THOC2: variants seen among roughly 807,000 people sequenced by gnomAD.
THOC2 encodes the protein THO complex 2.
A neutral mutation model predicts 128.4 loss-of-function variants in THOC2; 10 were observed. The ratio of observed to expected loss-of-function variants is 0.08; its 90% CI spans 0.05 to 0.13. The LOEUF is 0.13. THOC2 is among the 10% of genes least tolerant of loss of function. The pLI is 1.00. For missense variants in THOC2, 535 were observed against 1,155.7 expected (o/e 0.46, Z 7.79); for synonymous variants, 393 against 396.9 (o/e 0.99, Z 0.12).
At chrX:123,664,400 C>T (rs927286518) in intron 12 of THOC2, among the ~76,000 whole-genome samples, 2 of 112,309 alleles carry the variant, frequency 1.8e-5, no homozygotes, top group African/African-American at 3.2e-5. Flanking sequence ...AAAGAAACTA[C>T]CATCAGAGTG....
intron 15 of THOC2, among the ~76,000 whole-genome samples, chrX:123,643,153 C>G (rs1470803256): frequency 9.0e-6 from 1 of 110,802 alleles, no homozygotes; most frequent in Non-Finnish European, 1.9e-5. Flanking sequence ...ACAGAGGGAA[C>G]AAAAAGTATA....
chrX:123,676,398 T>C (rs1000476978), intron 8 of THOC2, among the ~76,000 whole-genome samples: 6 of 111,958 alleles, frequency 5.4e-5, no homozygotes, highest in Admixed American at 3.8e-4. Context: ...TCTATCACCA[T>C]GGCCACCACT....
chrX:123,643,770 C>G (rs1474545715), intron 15 of THOC2, among the ~76,000 whole-genome samples: 5 of 109,489 alleles, frequency 4.6e-5, no homozygotes, highest in Admixed American at 3.9e-4. Context: ...TGTGATCATG[C>G]ACACACCTGT....
intron 37 of THOC2, 72 bp from the exon 38 acceptor site, chrX:123,611,035 C>A (rs760958074): frequency 2.0e-4 from 206 of 1,036,309 alleles, no homozygotes; most frequent in Non-Finnish European, 2.7e-4. Flanking sequence ...TTTAGTACAG[C>A]ACCTCAGGTT....
intron 12 of THOC2, among the ~76,000 whole-genome samples, chrX:123,660,413 T>C (rs1364716652): frequency 9.0e-6 from 1 of 111,570 alleles, no homozygotes; most frequent in Admixed American, 9.6e-5. Context: ...ATTAGGTAGG[T>C]GAAAGTATGA....
chrX:123,611,134 A>G (rs959784206), intron 37 of THOC2, among the ~76,000 whole-genome samples, 171 bp from the exon 38 acceptor site: 4 of 110,869 alleles, frequency 3.6e-5, no homozygotes, highest in African/African-American at 9.9e-5. Context: ...TTCTATTCCC[A>G]ATGTCCCCAG....
chrX:123,623,768 T>G lies in THOC2; in HGVS notation c.3503+19A>C, dbSNP rs1408144319. 5.0e-6 allele frequency: 6 copies of G among 1,202,194 alleles called. No homozygotes were observed. The Admixed American group carries it at 1.3e-4, about 27-fold the overall frequency. ...TGTCATCTAGTCTTGTAAATCACAT[T>G]AAAATATAATTTTGTTACCCCATAG... is the stretch of plus-strand genomic sequence containing the variant. On this transcript the variant is annotated intron_variant, in intron 28 of 38. Transcript: ENST00000245838.
rs912076944 is a variant in THOC2 at position 123,719,474 on chromosome X, T to C, written c.72-6566A>G. On this transcript the variant is annotated intron_variant, in intron 1 of 38. Transcript: ENST00000245838. ...CCTTTTCGGAGGCCAAGGATAAGAA[T>C]TGCTTGAGGCTAGGAGTTGAGACCA... Among the ~76,000 whole-genome samples the C allele has an allele frequency of 3.6e-5, 4 of 110,366 alleles. No homozygotes were observed. The East Asian group carries it at 8.5e-4, about 24-fold the overall frequency.
intron 32 of THOC2, chrX:123,620,266 G>C (rs960998773): frequency 5.4e-5 from 6 of 111,559 alleles, no homozygotes; most frequent in Non-Finnish European, 3.8e-5. Flanking sequence ...TGGGTGGTAG[G>C]ATTGGATGCC....
chrX:123,684,706 A>G (rs2049935244), intron 8 of THOC2, among the ~76,000 whole-genome samples: 2 of 111,980 alleles, frequency 1.8e-5, no homozygotes, highest in Admixed American at 1.9e-4. Context: ...TCATTTTTGA[A>G]CAAAGGTATT....
intron 12 of THOC2, among the ~76,000 whole-genome samples, chrX:123,663,759 A>G (rs765646659): frequency 9.1e-6 from 1 of 109,990 alleles, no homozygotes; most frequent in Non-Finnish European, 1.9e-5. Flanking sequence ...TCCTGATGCT[A>G]TCCCTCCCCT....
intron 1 of THOC2, among the ~76,000 whole-genome samples, chrX:123,718,481 C>G (rs2051527760): frequency 9.0e-6 from 1 of 111,553 alleles, no homozygotes; most frequent in South Asian, 3.7e-4. Flanking sequence ...CACAGGAGGC[C>G]GGGTGCAGTG....
At chrX:123,629,136 T>A (rs1252257677) in intron 22 of THOC2, among the ~76,000 whole-genome samples, 3 of 106,075 alleles carry the variant, frequency 2.8e-5, no homozygotes, top group African/African-American at 1.0e-4. Context: ...CACACAAAAA[T>A]ATATATATTT....
intron 1 of THOC2, among the ~76,000 whole-genome samples, chrX:123,725,051 C>T (rs1162105622): frequency 2.7e-5 from 3 of 111,710 alleles, no homozygotes; most frequent in Non-Finnish European, 3.8e-5. Context: ...GAGCCATGAT[C>T]GCACCACTGC....
At chrX:123,707,678 A>G (rs2050991950) in intron 2 of THOC2, among the ~76,000 whole-genome samples, 1 of 110,780 alleles carries the variant, frequency 9.0e-6, no homozygotes, top group African/African-American at 3.3e-5. Flanking sequence ...TTTAAGTCCC[A>G]TATACTGAAA....
At chrX:123,632,800 A>G in intron 21 of THOC2, 61 bp downstream of exon 21, 13 of 967,951 alleles carry the variant, frequency 1.3e-5, no homozygotes, top group Non-Finnish European at 1.9e-5. Context: ...ATTATAACAC[A>G]TTATCCTCCT....
chrX:123,682,065 G>GA (rs1158813435), intron 8 of THOC2, among the ~76,000 whole-genome samples: 1 of 110,604 alleles, frequency 9.0e-6, no homozygotes, highest in South Asian at 3.7e-4. Context: ...TTCAAAAAAA[G>GA]AAAAAAAAGG....
intron 4 of THOC2, among the ~76,000 whole-genome samples, chrX:123,699,441 A>G (rs1420961706): frequency 9.0e-6 from 1 of 111,672 alleles, no homozygotes; most frequent in East Asian, 2.8e-4. Flanking sequence ...TACAATCTCA[A>G]TTTCTCATTA....
intron 8 of THOC2, among the ~76,000 whole-genome samples, chrX:123,674,203 T>G (rs1463499136): frequency 8.9e-6 from 1 of 112,208 alleles, no homozygotes; most frequent in Non-Finnish European, 1.9e-5. Context: ...CAACTATGTT[T>G]CCTTCAAGTC....
Sources: gnomAD v4.1 joint callset for allele counts (sites outside exome capture counted in the v4.1 genomes callset) on GRCh38, gnomAD v4.1.1 for gene constraint, MANE v1.5 for transcripts, NCBI Gene and HGNC (gene_info 2026-07-23, HGNC 2026-07-21) for gene names.